NALF1: variants seen among roughly 807,000 people sequenced by gnomAD.
NALF1 encodes the protein NALCN channel auxiliary factor 1.
A neutral mutation model predicts 48.4 loss-of-function variants in NALF1; 3 were observed. The ratio of observed to expected loss-of-function variants is 0.06; its 90% CI spans 0.03 to 0.16. The LOEUF (loss-of-function observed/expected upper bound fraction) is 0.16, where lower values mean the gene tolerates loss of function less well. NALF1 is among the 10% of genes least tolerant of loss of function. NALF1 has a pLI of 1.00. For synonymous variants in NALF1, 262 were observed against 245.7 expected (o/e 1.07, Z -0.62); for missense variants, 526 against 571.5 (o/e 0.92, Z 0.81).
chr13:107,594,463 C>T (rs1159775643), intron 1 of NALF1, among the ~76,000 whole-genome samples: 2 of 151,936 alleles, frequency 1.3e-5, no homozygotes, highest in African/African-American at 4.8e-5. Flanking sequence ...TCTCTTTCCC[C>T]CAATCCCCTG....
intron 1 of NALF1, among the ~76,000 whole-genome samples, chr13:107,521,759 A>G (rs912923614): frequency 2.0e-5 from 3 of 152,170 alleles, no homozygotes; most frequent in Non-Finnish European, 4.4e-5. Flanking sequence ...CAAATAAACT[A>G]TATATACCTA....
rs566209415 is a variant in NALF1, at chr13:107,268,235, G to A, written c.916-57480C>T. On this transcript the variant is annotated intron_variant, in intron 1 of 2. Transcript: ENST00000375915. The stretch of plus-strand genomic sequence containing the variant: ...AATCTCTTGACCTCATGTTCTGGCC[G>A]CCTCGGCCTCCCAAAGTGCCAGGAT... Among the ~76,000 whole-genome samples the A allele has an allele frequency of 6.0e-4, 91 of 152,054 alleles. 2 individuals are homozygous for A. In the South Asian group the frequency reaches 0.017, roughly 28 times the overall value.
chr13:107,214,966 C>G (rs1426261098), intron 1 of NALF1, among the ~76,000 whole-genome samples: 1 of 152,152 alleles, frequency 6.6e-6, no homozygotes, highest in Non-Finnish European at 1.5e-5. Context: ...ACAGCCCAGT[C>G]CATAGTTTTT....
rs1471074599 is a variant in NALF1 at position 107,170,687 on chromosome 13, C to T, written c.1187G>A (p.Ser396Asn). ...NNPSKGTVEK[S>N]GSCHRTSLTV... is the part of the protein sequence containing the mutation. ...GAGCGATGTCCTGTGACAGGAGCCA[C>T]TTTTCTCTACGGTCCCTTTGGATGG... The change falls in exon 3 of 3, where the codon AGT (serine) becomes AAT (asparagine). Residue 396 changes from serine to asparagine, a missense_variant. Transcript: ENST00000375915. 6.2e-7 allele frequency: 1 copy of T among 1,614,210 alleles called. No homozygotes were observed. The highest frequency in any genetic ancestry group is 1.1e-5 in the South Asian group (1 of 91,088).
At chr13:107,860,915 C>T (rs573646096) in intron 1 of NALF1, among the ~76,000 whole-genome samples, 2 of 152,304 alleles carry the variant, frequency 1.3e-5, no homozygotes, top group East Asian at 3.9e-4. Flanking sequence ...TGGACACTAA[C>T]TTCATCTAAT....
intron 1 of NALF1, among the ~76,000 whole-genome samples, chr13:107,773,148 C>A (rs536540236): frequency 6.6e-6 from 1 of 152,154 alleles, no homozygotes; most frequent in South Asian, 2.1e-4. Flanking sequence ...AGTATATTGG[C>A]CATGTGTTGT....
At chr13:107,395,570 G>T (rs114502560) in intron 1 of NALF1, among the ~76,000 whole-genome samples, 10 of 152,044 alleles carry the variant, frequency 6.6e-5, no homozygotes, top group African/African-American at 2.4e-4. Flanking sequence ...ATCTTCCTAC[G>T]TCATTAGGGC....
At chr13:107,338,850 C>T (rs2138931798) in intron 1 of NALF1, among the ~76,000 whole-genome samples, 1 of 152,014 alleles carries the variant, frequency 6.6e-6, no homozygotes, top group South Asian at 2.1e-4. Context: ...TACAGCTTGA[C>T]GGCCGGGAGC....
intron 1 of NALF1, among the ~76,000 whole-genome samples, chr13:107,675,451 T>A (rs1379062335): frequency 1.3e-5 from 2 of 152,240 alleles, no homozygotes; most frequent in African/African-American, 4.8e-5. Context: ...ATGTATCTGT[T>A]AAAAATGTTA....
chr13:107,250,532 G>C (rs577857089), intron 1 of NALF1, among the ~76,000 whole-genome samples: 2 of 152,242 alleles, frequency 1.3e-5, no homozygotes, highest in African/African-American at 2.4e-5. Flanking sequence ...GGATGATAGA[G>C]ATATGTGATA....
chr13:107,281,842 C>T (rs375500395), intron 1 of NALF1, among the ~76,000 whole-genome samples: 79 of 152,290 alleles, frequency 5.2e-4, no homozygotes, highest in African/African-American at 1.8e-3. Context: ...GGAGGAGGAA[C>T]TACCAAACAC....
At chr13:107,427,720 G>A (rs929283957) in intron 1 of NALF1, among the ~76,000 whole-genome samples, 1 of 152,178 alleles carries the variant, frequency 6.6e-6, no homozygotes, top group Non-Finnish European at 1.5e-5. Context: ...ATTTGGCACA[G>A]AGAACTGGAT....
intron 1 of NALF1, among the ~76,000 whole-genome samples, chr13:107,355,715 C>T (rs1470939238): frequency 6.6e-6 from 1 of 152,082 alleles, no homozygotes; most frequent in East Asian, 1.9e-4. Flanking sequence ...TGTAAGTTTC[C>T]TGAGGCCTCC....
At chr13:107,347,549 C>G (rs1304865515) in intron 1 of NALF1, among the ~76,000 whole-genome samples, 1 of 152,178 alleles carries the variant, frequency 6.6e-6, no homozygotes, top group Non-Finnish European at 1.5e-5. Context: ...TTTTAAAATT[C>G]CATCATCTTC....
chr13:107,232,034 C>T (rs1229836347), intron 1 of NALF1, among the ~76,000 whole-genome samples: 2 of 152,168 alleles, frequency 1.3e-5, no homozygotes, highest in East Asian at 3.9e-4. Flanking sequence ...TTCTAATAAG[C>T]AAGCCTTGAT....
chr13:107,376,171 G>T (rs927007726), intron 1 of NALF1, among the ~76,000 whole-genome samples: 1 of 152,060 alleles, frequency 6.6e-6, no homozygotes, highest in East Asian at 1.9e-4. Flanking sequence ...AACTTTGCGC[G>T]CCCTTTCCTG....
intron 1 of NALF1, among the ~76,000 whole-genome samples, chr13:107,419,603 C>T (rs1409542430): frequency 6.6e-6 from 1 of 152,058 alleles, no homozygotes; most frequent in Non-Finnish European, 1.5e-5. Context: ...AACTCTGTGG[C>T]CCCTCCCCTC....
At chr13:107,264,651 T>C (rs1211139932) in intron 1 of NALF1, among the ~76,000 whole-genome samples, 1 of 152,250 alleles carries the variant, frequency 6.6e-6, no homozygotes, top group Non-Finnish European at 1.5e-5. Context: ...GAACAACTAT[T>C]AATAGTTTGA....
intron 1 of NALF1, among the ~76,000 whole-genome samples, chr13:107,215,504 A>C (rs912905752): frequency 7.6e-6 from 1 of 132,186 alleles, no homozygotes; most frequent in Non-Finnish European, 1.7e-5. Context: ...CTCTTAATGA[A>C]GATTTTTTTT....
Sources: gnomAD v4.1 joint callset for allele counts (sites outside exome capture counted in the v4.1 genomes callset) on GRCh38, gnomAD v4.1.1 for gene constraint, MANE v1.5 for transcripts, NCBI Gene and HGNC (gene_info 2026-07-23, HGNC 2026-07-21) for gene names.